The following ASB15 variants were observed in gnomAD, a reference collection of about 807,000 sequenced individuals.
ASB15 encodes the protein ankyrin repeat and SOCS box protein 15.
Under a neutral mutation model 58.0 loss-of-function variants are expected in ASB15, and 54 were observed. The ratio of observed to expected loss-of-function variants is 0.93; its 90% confidence interval spans 0.75 to 1.17. The LOEUF (loss-of-function observed/expected upper bound fraction) is 1.17. ASB15 is among the 50% of genes most tolerant of loss of function. The pLI, the probability that ASB15 is intolerant of heterozygous loss-of-function variation, is 0.00. For missense variants in ASB15, 680 were observed against 707.4 expected, an observed-to-expected ratio of 0.96 and a Z score of 0.44; for synonymous variants, 249 against 262.4, an observed-to-expected ratio of 0.95 and a Z score of 0.50.
intron 1 of ASB15, among the ~76,000 whole-genome samples, chr7:123,577,629 T>C (rs186654741): frequency 4.6e-5 from 7 of 152,272 alleles, no homozygotes; most frequent in Non-Finnish European, 8.8e-5. Flanking sequence ...CTCTTAGAAA[T>C]TGATCAAAAA....
At chr7:123,629,510 C>T in intron 10 of ASB15, 76 bp downstream of exon 10, 1 of 1,297,164 alleles carries the variant, frequency 7.7e-7, no homozygotes, top group East Asian at 2.4e-5. Flanking sequence ...AGGGATGTTA[C>T]AAGAAAAGAA....
At chr7:123,584,405 A>C (rs1799320990) in intron 1 of ASB15, among the ~76,000 whole-genome samples, 1 of 151,850 alleles carries the variant, frequency 6.6e-6, no homozygotes, top group Non-Finnish European at 1.5e-5. Context: ...GCTAGGCATC[A>C]GTGTTTTCTA....
intron 3 of ASB15, among the ~76,000 whole-genome samples, chr7:123,609,307 A>AT (rs1300408047): frequency 6.6e-6 from 1 of 152,076 alleles, no homozygotes; most frequent in Non-Finnish European, 1.5e-5. Context: ...TCCCAGCCTC[A>AT]TGGTACTCCA....
chr7:123,597,967 T>C (rs911612190), upstream of ASB15, among the ~76,000 whole-genome samples: 19 of 151,000 alleles, frequency 1.3e-4, no homozygotes, highest in African/African-American at 4.6e-4. Context: ...TGTGTCTTTG[T>C]TCTCTGACCT....
At position 123,630,121 on chromosome 7, in the gene ASB15, T is replaced by C. The variant is rs958965781; in HGVS notation, c.1594+2T>C. On this transcript the variant is annotated splice_donor_variant, in intron 11 of 11. Transcript: ENST00000451215. LOFTEE classifies it high-confidence loss of function. ...GGCCAGAAATCCGCCAAATACTAGG[T>C]AAAAACCAAAAGTTTTGCCTACAAT... is the stretch of plus-strand genomic sequence containing the variant. The C allele has an allele frequency of 7.7e-6, 12 of 1,565,166 alleles. No individual in the cohort carries two copies. The highest frequency in any genetic ancestry group is 1.9e-5 in the Admixed American group (1 of 53,450).
At chr7:123,567,378 G>A (rs1022090317) in intron 1 of ASB15, among the ~76,000 whole-genome samples, 2 of 152,206 alleles carry the variant, frequency 1.3e-5, no homozygotes, top group African/African-American at 4.8e-5. Flanking sequence ...TAGTAGGCCA[G>A]ATCCAGGTGA....
At chr7:123,617,845 C>A in intron 7 of ASB15, 108 bp downstream of exon 7, 1 of 1,126,824 alleles carries the variant, frequency 8.9e-7, no homozygotes. Context: ...CCTTCCATTC[C>A]CTGAGCTACT....
At chr7:123,625,032 C>A in intron 8 of ASB15, 1 of 549,572 alleles carries the variant, frequency 1.8e-6, no homozygotes, top group Non-Finnish European at 3.2e-6. Context: ...ATTTACAAGC[C>A]CAGTCCTGAT....
At chr7:123,619,179 CA>C (rs528943780) in intron 7 of ASB15, among the ~76,000 whole-genome samples, 11,819 of 54,962 alleles carry the variant, frequency 0.22, 182 homozygotes, top group South Asian at 0.27. Flanking sequence ...GACGCCGTCT[CA>C]AAAAAAAAAA....
chr7:123,632,760 G>T (rs555420902), intron 11 of ASB15, among the ~76,000 whole-genome samples: 25 of 151,714 alleles, frequency 1.6e-4, no homozygotes, highest in Non-Finnish European at 3.1e-4. Flanking sequence ...CAAATCAAGG[G>T]AACATAAGAA....
At chr7:123,577,649 A>G (rs1246734304) in intron 1 of ASB15, among the ~76,000 whole-genome samples, 1 of 152,158 alleles carries the variant, frequency 6.6e-6, no homozygotes, top group Non-Finnish European at 1.5e-5. Flanking sequence ...ATGGTAATAA[A>G]CATAGCAAAC....
chr7:123,632,923 C>T (rs1334654177), intron 11 of ASB15, among the ~76,000 whole-genome samples: 5 of 152,190 alleles, frequency 3.3e-5, no homozygotes, highest in African/African-American at 4.8e-5. Flanking sequence ...TTTTCATCAA[C>T]AATACTTTAT....
At chr7:123,573,355 T>C (rs1481765546) in intron 1 of ASB15, among the ~76,000 whole-genome samples, 3 of 147,990 alleles carry the variant, frequency 2.0e-5, no homozygotes, top group African/African-American at 5.0e-5. Context: ...GTAAGTGGAA[T>C]CTTCTTTCTT....
intron 2 of ASB15, among the ~76,000 whole-genome samples, chr7:123,606,744 C>T (rs140771971): frequency 6.6e-4 from 101 of 152,270 alleles, no homozygotes; most frequent in Non-Finnish European, 1.1e-3. Context: ...TTTAGCATAA[C>T]GTCCTCTAGG....
intron 6 of ASB15, among the ~76,000 whole-genome samples, chr7:123,616,871 A>C (rs1584783742): frequency 6.6e-6 from 1 of 152,210 alleles, no homozygotes; most frequent in South Asian, 2.1e-4. Flanking sequence ...CAGTTTCCAA[A>C]AGATTCTTAT....
chr7:123,637,309 T>A lies in ASB15; in HGVS notation c.*328T>A, dbSNP rs1381296011. 5 of 170,870 alleles carry A rather than the reference T, an allele frequency of 2.9e-5. No individual in the cohort carries two copies. The highest frequency in any genetic ancestry group is 1.2e-5 in the Non-Finnish European group (1 of 80,252). The allele number at this position is 170,870 out of a possible 1,614,324, so 10.6% of individuals were successfully genotyped here. A position where few individuals can be genotyped will look rare whatever the true frequency, so the allele number is the denominator to read the frequency against. The stretch of plus-strand genomic sequence containing the variant: ...ACTTTCTCAAACCCACATCTGCCAG[T>A]TGCTGGCCAGATTCTCCTGTCTTTC... On this transcript the variant is annotated 3_prime_UTR_variant, in exon 12 of 12. Transcript: ENST00000451215.
chr7:123,628,822 A>T lies in ASB15; in HGVS notation c.870-42A>T, dbSNP rs763820644. 2.2e-6 allele frequency: 3 copies of T among 1,338,700 alleles called. No individual in the cohort carries two copies. The African/African-American group carries it at 4.5e-5, about 20-fold the overall frequency. The allele number at this position is 1,338,700 out of a possible 1,614,324, so 82.9% of individuals were successfully genotyped here. On this transcript the variant is annotated intron_variant, in intron 9 of 11. Coordinates refer to ENST00000451215, the MANE Select transcript of ASB15 (RefSeq NM_001290258.2). ...GAACGGTAGTTTATTTAATTTCTTG[A>T]TTTTCTTTATGGCAAGTAGATATTT...
At chr7:123,578,604 T>G (rs763345924) in intron 1 of ASB15, among the ~76,000 whole-genome samples, 3 of 152,098 alleles carry the variant, frequency 2.0e-5, no homozygotes, top group Non-Finnish European at 4.4e-5. Context: ...TATGGAGACC[T>G]TTGCCAATTT....
In ASB15 at chr7:123,583,316, C is replaced by T. The variant is rs186263962; in HGVS notation, c.-443+16228C>T. 7.9e-5 allele frequency among the ~76,000 whole-genome samples: 12 copies of T among 151,994 alleles called. No homozygotes were observed. In the East Asian group the frequency reaches 2.3e-3, roughly 30 times the overall value. ...TCAGAGCTATTTTTGGGCCTAATTT[C>T]AACATATATCATATGAGGAGATATC... On this transcript the variant is annotated intron_variant, in intron 1 of 13. Coordinates refer to the ASB15 transcript ENST00000451558.
Sources: gnomAD v4.1 joint callset for allele counts (sites outside exome capture counted in the v4.1 genomes callset) on GRCh38, gnomAD v4.1.1 for gene constraint, MANE v1.5 for transcripts, NCBI Gene and HGNC (gene_info 2026-07-23, HGNC 2026-07-21) for gene names.